The following PLAT variants were observed in gnomAD, a reference collection of about 807,000 sequenced individuals.
PLAT encodes the protein tissue-type plasminogen activator.
PLAT carries 48 observed loss-of-function variants against 74.9 expected under a neutral mutation model. The observed-to-expected ratio is 0.64, with a 90% CI of 0.51 to 0.82. The LOEUF (loss-of-function observed/expected upper bound fraction) is 0.82, where lower values mean the gene tolerates loss of function less well. Ranked by LOEUF, PLAT falls within the 40% of genes least tolerant of loss-of-function variation. PLAT has a pLI of 0.00. For missense variants in PLAT, 673 were observed against 736.2 expected (o/e 0.91, Z 0.99); for synonymous variants, 307 against 294.4 (o/e 1.04, Z -0.44).
At chr8:42,179,588 CA>C (rs2129697841) in intron 12 of PLAT, among the ~76,000 whole-genome samples, 1 of 152,322 alleles carries the variant, frequency 6.6e-6, no homozygotes, top group East Asian at 1.9e-4. Context: ...TGTCCACGGT[CA>C]CACAGCTCAG....
chr8:42,192,166 G>T (rs922085149), intron 2 of PLAT, among the ~76,000 whole-genome samples: 1 of 151,810 alleles, frequency 6.6e-6, no homozygotes, highest in Admixed American at 6.6e-5. Context: ...AGTACACCCG[G>T]CTAATTTTTA....
intron 12 of PLAT, 148 bp from the exon 13 acceptor site, chr8:42,179,211 C>T (rs1038866680): frequency 1.6e-6 from 1 of 620,484 alleles, no homozygotes; most frequent in Non-Finnish European, 2.9e-6. Flanking sequence ...GGTATTTTAT[C>T]GTTTTGACCC....
chr8:42,196,713 G>T (rs1304812733), intron 1 of PLAT, among the ~76,000 whole-genome samples: 2 of 152,144 alleles, frequency 1.3e-5, no homozygotes, highest in African/African-American at 2.4e-5. Context: ...CGAGACCCGG[G>T]TGAGAGATGA....
At position 42,198,416 on chromosome 8, in the gene PLAT, C is replaced by T. The variant is rs375698728; in HGVS notation, c.-26-5205G>A. Among the ~76,000 whole-genome samples, 38 of 152,310 alleles carry T rather than the reference C, an allele frequency of 2.5e-4. No individual in the cohort carries two copies. The East Asian group carries it at 3.7e-3, about 15-fold the overall frequency. ...CTGAGGCAGGAGAATCGCTTGAACC[C>T]GGGAGGCGGAAGTTGCAGTGAGCCA... On this transcript the variant is annotated intron_variant, in intron 1 of 13. Transcript: ENST00000220809.
chr8:42,194,391 G>GC, intron 1 of PLAT, among the ~76,000 whole-genome samples: 1 of 152,214 alleles, frequency 6.6e-6, no homozygotes, highest in Non-Finnish European at 1.5e-5. Context: ...GAGCCACCGC[G>GC]CCCAGCATTT....
In PLAT at chr8:42,178,975, TCTGTTAAGTAAA is replaced by T. The variant is rs1156674643; in HGVS notation, c.1440_1451del (p.His480_Arg484delinsGln). 1 of 1,614,128 alleles carries T rather than the reference TCTGTTAAGTAAA, an allele frequency of 6.2e-7. No homozygotes were observed. Among genetic ancestry groups the T allele is most frequent in the Non-Finnish European group, 8.5e-7 (1 of 1,179,974 alleles). On this transcript the variant is annotated inframe_deletion, in exon 13 of 14. Transcript: ENST00000220809. ...CACACAGCATGTTGTCGGTGACTGT[TCTGTTAAGTAAA>T]TGTTGTGATGTGCAGCGGCTGGATG...
At chr8:42,183,462 G>GA (rs994356339) in intron 7 of PLAT, among the ~76,000 whole-genome samples, 1 of 152,188 alleles carries the variant, frequency 6.6e-6, no homozygotes, top group African/African-American at 2.4e-5. Context: ...GGCTGTTTCT[G>GA]AAGCTGCTTT....
chr8:42,195,663 T>A, intron 1 of PLAT: 1 of 152,238 alleles, frequency 6.6e-6, no homozygotes, highest in Non-Finnish European at 1.5e-5. Flanking sequence ...ATCTTCTCTT[T>A]CTCAGCTTTC....
intron 1 of PLAT, among the ~76,000 whole-genome samples, chr8:42,195,294 G>A (rs1160355780): frequency 6.6e-6 from 1 of 152,186 alleles, no homozygotes; most frequent in South Asian, 2.1e-4. Context: ...TTCTCCCCGG[G>A]CTCCTGTGTC....
chr8:42,180,254 CG>C lies in PLAT; in HGVS notation c.1209del (p.Tyr403Ter). 6.2e-7 allele frequency: 1 copy of C among 1,614,160 alleles called. No individual in the cohort carries two copies. Among genetic ancestry groups the C allele is most frequent in the East Asian group, 2.2e-5 (1 of 44,878 alleles). On this transcript the variant is annotated frameshift_variant, in exon 11 of 14. Coordinates refer to ENST00000220809, the MANE Select transcript of PLAT (RefSeq NM_000930.5). LOFTEE classifies it high-confidence loss of function. ...GACGAGCTCTTACCAATGTCATTGT[CG>C]TAAGTGTCATCATCGAATTCCTTAT... ...IVHKEFDDDT[Y>X]DNDIALLQLK...
intron 1 of PLAT, among the ~76,000 whole-genome samples, chr8:42,205,926 T>C (rs1019199757): frequency 1.3e-5 from 2 of 152,212 alleles, no homozygotes; most frequent in Non-Finnish European, 2.9e-5. Context: ...TTTTTTGGAA[T>C]CCTTTGAAAT....
intron 6 of PLAT, chr8:42,186,559 T>C (rs1020238957): frequency 4.6e-5 from 7 of 152,214 alleles, no homozygotes; most frequent in African/African-American, 1.7e-4. Flanking sequence ...AAAGGCAAGC[T>C]GTGCCCTGAC....
intron 1 of PLAT, among the ~76,000 whole-genome samples, chr8:42,194,045 TCTTTC>T (rs1805796833): frequency 1.1e-5 from 1 of 92,058 alleles, no homozygotes; most frequent in Admixed American, 1.3e-4. Flanking sequence ...TCTTCTTTCT[TCTTTC>T]TTTTTTTTTT....
In PLAT at chr8:42,204,460, T is replaced by C. The variant is rs544024151; in HGVS notation, c.-27+3034A>G. On this transcript the variant is annotated intron_variant, in intron 1 of 13. Coordinates refer to ENST00000220809, the MANE Select transcript of PLAT (RefSeq NM_000930.5). ...CCAAATAATCAAAGAAAAACCTGTCTGGGCATGGTGGCTCACGCCTGTAAT... is the reference window on the plus strand; with the variant it reads ...CCAAATAATCAAAGAAAAACCTGTCCGGGCATGGTGGCTCACGCCTGTAAT... 2.6e-5 allele frequency among the ~76,000 whole-genome samples: 4 copies of C among 152,218 alleles called. No homozygotes were observed. The Middle Eastern group carries it at 0.01, about 388-fold the overall frequency.
intron 1 of PLAT, chr8:42,195,686 G>C (rs1369844614): frequency 1.3e-5 from 2 of 152,142 alleles, no homozygotes; most frequent in African/African-American, 4.8e-5. Context: ...CAAATTTCCT[G>C]TTTCTCAAAA....
intron 13 of PLAT, 61 bp from the exon 14 acceptor site, chr8:42,176,212 G>C: frequency 7.7e-7 from 1 of 1,303,394 alleles, no homozygotes; most frequent in East Asian, 2.4e-5. Flanking sequence ...GAGAAAGTCA[G>C]TATGTGTAGC....
chr8:42,182,599 C>T, intron 8 of PLAT, 120 bp downstream of exon 8: 1 of 713,874 alleles, frequency 1.4e-6, no homozygotes, highest in Non-Finnish European at 2.4e-6. Context: ...AGATAATATC[C>T]ATGGGTGCTT....
intron 4 of PLAT, chr8:42,188,462 C>A (rs1563258529): frequency 1.2e-5 from 2 of 167,576 alleles, no homozygotes; most frequent in South Asian, 1.8e-4. Context: ...CCCTTTTCTG[C>A]TTGTACCTTC....
At position 42,207,544 on chromosome 8, in the gene PLAT, ACTCCTGTAGGAT is replaced by A. The variant is rs1806393525; in HGVS notation, c.-89_-78del. ...GCAGAGGTTTTCTCTCCAGCCCTGG[ACTCCTGTAGGAT>A]CTCAGCTCTGAGCTCCCCACAGCTC... On this transcript the variant is annotated 5_prime_UTR_variant, in exon 1 of 14. Coordinates refer to ENST00000220809, the MANE Select transcript of PLAT (RefSeq NM_000930.5). 6.6e-6 allele frequency: 1 copy of A among 151,914 alleles called. No individual in the cohort carries two copies. The highest frequency in any genetic ancestry group is 2.1e-4 in the South Asian group (1 of 4,808). The allele number at this position is 151,914 out of a possible 1,614,324, so 9.4% of individuals were successfully genotyped here. A position where few individuals can be genotyped will look rare whatever the true frequency, so the allele number is the denominator to read the frequency against.
Sources: gnomAD v4.1 joint callset for allele counts (sites outside exome capture counted in the v4.1 genomes callset) on GRCh38, gnomAD v4.1.1 for gene constraint, MANE v1.5 for transcripts, NCBI Gene and HGNC (gene_info 2026-07-23, HGNC 2026-07-21) for gene names.